Variants in EXOC4 observed in about 807,000 individuals in gnomAD.
EXOC4 encodes the protein SEC8-like 1.
EXOC4 carries 71 observed loss-of-function variants against 107.2 expected under a neutral mutation model. That is an observed-to-expected ratio of 0.66 (90% CI 0.55 to 0.81). EXOC4 has a LOEUF of 0.81. EXOC4 is among the 30% of genes least tolerant of loss of function. The pLI, the probability that EXOC4 is intolerant of heterozygous loss-of-function variation, is 0.00. For synonymous variants in EXOC4, 456 were observed against 441.2 expected (o/e 1.03, Z -0.42); for missense variants, 1,108 against 1,189.6 (o/e 0.93, Z 1.01).
At chr7:133,706,492 T>A (rs1475726759) in intron 10 of EXOC4, among the ~76,000 whole-genome samples, 2 of 152,142 alleles carry the variant, frequency 1.3e-5, no homozygotes, top group African/African-American at 4.8e-5. Context: ...AGAAATATAG[T>A]GCAAGCCACA....
intron 9 of EXOC4, among the ~76,000 whole-genome samples, chr7:133,549,534 T>A (rs1800547685): frequency 6.6e-6 from 1 of 152,024 alleles, no homozygotes; most frequent in Non-Finnish European, 1.5e-5. Flanking sequence ...ACCATTACAA[T>A]AGTAACATCA....
At chr7:133,662,290 G>T (rs1793711999) in intron 10 of EXOC4, among the ~76,000 whole-genome samples, 1 of 152,148 alleles carries the variant, frequency 6.6e-6, no homozygotes, top group South Asian at 2.1e-4. Context: ...TGAGAGAAGT[G>T]TTGAGGTAGC....
intron 7 of EXOC4, among the ~76,000 whole-genome samples, chr7:133,433,423 C>T (rs369251856): frequency 1.3e-5 from 2 of 152,134 alleles, no homozygotes; most frequent in African/African-American, 2.4e-5. Flanking sequence ...TATTGTTTGC[C>T]GTGAGAAGAA....
chr7:133,606,498 T>G (rs1004471723), intron 9 of EXOC4, among the ~76,000 whole-genome samples: 8 of 141,042 alleles, frequency 5.7e-5, no homozygotes, highest in Non-Finnish European at 1.2e-4. Flanking sequence ...TGCTGCTGTT[T>G]ATTATTATTA....
chr7:133,467,156 A>G (rs1356947116), intron 7 of EXOC4, among the ~76,000 whole-genome samples: 3 of 151,152 alleles, frequency 2.0e-5, no homozygotes, highest in South Asian at 2.1e-4. Context: ...ATTCTTAATT[A>G]TTGTTTATAG....
At chr7:133,775,491 T>C (rs1230398304) in intron 10 of EXOC4, among the ~76,000 whole-genome samples, 1 of 152,194 alleles carries the variant, frequency 6.6e-6, no homozygotes, top group African/African-American at 2.4e-5. Flanking sequence ...TTTTAGTTTA[T>C]TGTCTTTAAT....
chr7:134,010,863 C>T (rs1303510332), intron 17 of EXOC4, among the ~76,000 whole-genome samples: 2 of 152,088 alleles, frequency 1.3e-5, no homozygotes, highest in African/African-American at 2.4e-5. Context: ...GGAGGGATTC[C>T]ATTGATGTTG....
At chr7:133,268,304 T>C (rs1404202210) in intron 1 of EXOC4, among the ~76,000 whole-genome samples, 2 of 152,226 alleles carry the variant, frequency 1.3e-5, no homozygotes, top group African/African-American at 4.8e-5. Flanking sequence ...TCTTGTTTGA[T>C]ATAGTTGATG....
At chr7:133,987,229 G>A (rs1045298415) in intron 14 of EXOC4, among the ~76,000 whole-genome samples, 6 of 152,036 alleles carry the variant, frequency 3.9e-5, no homozygotes, top group African/African-American at 1.5e-4. Context: ...GGGAAGCTGA[G>A]GTGAGAAAAT....
At chr7:133,354,506 G>A (rs1311960017) in intron 5 of EXOC4, among the ~76,000 whole-genome samples, 2 of 152,132 alleles carry the variant, frequency 1.3e-5, no homozygotes, top group East Asian at 1.9e-4. Flanking sequence ...GCTTTAAAAC[G>A]GGGAGCAAGA....
chr7:133,458,073 G>A (rs930851090), intron 7 of EXOC4, among the ~76,000 whole-genome samples: 2 of 152,182 alleles, frequency 1.3e-5, no homozygotes, highest in Non-Finnish European at 2.9e-5. Flanking sequence ...CTAAAGAAAA[G>A]TTATTTTTAC....
At chr7:133,541,052 T>C (rs2150931381) in intron 9 of EXOC4, among the ~76,000 whole-genome samples, 1 of 152,334 alleles carries the variant, frequency 6.6e-6, no homozygotes, top group South Asian at 2.1e-4. Context: ...AATATTTATG[T>C]CTACATGAAA....
At chr7:133,296,821 G>T (rs537392286) in intron 3 of EXOC4, among the ~76,000 whole-genome samples, 59 of 152,142 alleles carry the variant, frequency 3.9e-4, no homozygotes, top group African/African-American at 1.3e-3. Flanking sequence ...TGGCTATGGG[G>T]CAGTGATTCC....
chr7:133,515,400 CAT>C (rs1004114875), intron 9 of EXOC4, among the ~76,000 whole-genome samples: 1 of 151,692 alleles, frequency 6.6e-6, no homozygotes, highest in Non-Finnish European at 1.5e-5. Context: ...CACATATATA[CAT>C]ATATATACAC....
At chr7:133,526,257 A>G (rs1800076267) in intron 9 of EXOC4, among the ~76,000 whole-genome samples, 1 of 152,200 alleles carries the variant, frequency 6.6e-6, no homozygotes, top group Non-Finnish European at 1.5e-5. Flanking sequence ...TCAGTTTTTC[A>G]GAAATCCCTA....
chr7:134,012,886 G>A (rs1794805120), intron 17 of EXOC4, among the ~76,000 whole-genome samples: 1 of 152,186 alleles, frequency 6.6e-6, no homozygotes, highest in African/African-American at 2.4e-5. Context: ...CAGAAGTCAA[G>A]GGAAGTGTTT....
chr7:133,445,490 C>T lies in EXOC4; in HGVS notation c.1183-29838C>T, dbSNP rs544180909. Among the ~76,000 whole-genome samples the T allele has an allele frequency of 1.8e-3, 281 of 152,248 alleles. 3 individuals are homozygous for T. Among genetic ancestry groups the T allele is most frequent in the African/African-American group, 6.5e-3 (269 of 41,524 alleles). On this transcript the variant is annotated intron_variant, in intron 7 of 17. Transcript: ENST00000253861. ...TCCAAGGCTTTGATTCATATGCCAG[C>T]GTCTTTCCACTACTTCAGTGGTTCT...
intron 7 of EXOC4, among the ~76,000 whole-genome samples, chr7:133,455,761 G>GT (rs745764473): frequency 9.2e-5 from 14 of 152,180 alleles, no homozygotes; most frequent in Non-Finnish European, 1.6e-4. Flanking sequence ...AGATTTATGG[G>GT]TTTTAAGTTA....
chr7:133,923,230 G>A (rs1200388759), intron 13 of EXOC4, among the ~76,000 whole-genome samples: 5 of 149,894 alleles, frequency 3.3e-5, no homozygotes, highest in Non-Finnish European at 5.9e-5. Flanking sequence ...CTGGTTTCAA[G>A]AGATTCTCCT....
Sources: allele counts gnomAD v4.1 joint callset (sites outside exome capture counted in the v4.1 genomes callset), GRCh38; gene constraint gnomAD v4.1.1; transcripts MANE v1.5; gene names NCBI Gene and HGNC (gene_info 2026-07-23, HGNC 2026-07-21).